The following PLD5 variants were observed in gnomAD, a reference collection of about 807,000 sequenced individuals.
PLD5 encodes the protein phospholipase D family member 5.
PLD5 carries 36 observed loss-of-function variants against 61.1 expected under a neutral mutation model. The ratio of observed to expected loss-of-function variants is 0.59; its 90% confidence interval spans 0.45 to 0.78. The LOEUF (loss-of-function observed/expected upper bound fraction) is 0.78. PLD5 is among the 30% of genes least tolerant of loss of function. The pLI, the probability that PLD5 is intolerant of heterozygous loss-of-function variation, is 0.00. For synonymous variants in PLD5, 243 were observed against 242.8 expected (o/e 1.00, Z -0.01); for missense variants, 515 against 644.4 (o/e 0.80, Z 2.17).
chr1:242,527,845 T>C (rs749086402), upstream of PLD5, among the ~76,000 whole-genome samples: 65 of 152,344 alleles, frequency 4.3e-4, no homozygotes, highest in Middle Eastern at 0.01. Flanking sequence ...CTGAAATGTA[T>C]AATTACTGAA....
chr1:242,448,435 C>T (rs1490307488), intron 1 of PLD5, among the ~76,000 whole-genome samples: 1 of 152,212 alleles, frequency 6.6e-6, no homozygotes, highest in East Asian at 1.9e-4. Flanking sequence ...ATATTTCAGG[C>T]ATTCTCTCTC....
intron 2 of PLD5, among the ~76,000 whole-genome samples, chr1:242,293,976 A>G (rs1243413098): frequency 6.6e-6 from 1 of 152,246 alleles, no homozygotes; most frequent in Non-Finnish European, 1.5e-5. Flanking sequence ...TAATTAGCAT[A>G]GAAGCAGAAC....
At chr1:242,157,956 A>C (rs992066846) in intron 5 of PLD5, among the ~76,000 whole-genome samples, 1 of 152,098 alleles carries the variant, frequency 6.6e-6, no homozygotes, top group African/African-American at 2.4e-5. Flanking sequence ...GGGGAGTTTT[A>C]TCTATAAGTT....
intron 5 of PLD5, among the ~76,000 whole-genome samples, chr1:242,186,961 C>A (rs925510414): frequency 6.6e-6 from 1 of 152,144 alleles, no homozygotes. Flanking sequence ...CTTAAATTTT[C>A]AATTTTTCAC....
chr1:242,514,945 G>A (rs758742490), intron 1 of PLD5, among the ~76,000 whole-genome samples: 1 of 152,108 alleles, frequency 6.6e-6, no homozygotes, highest in Non-Finnish European at 1.5e-5. Flanking sequence ...AGGTATAGCT[G>A]GAGAGAAGCA....
rs74706090 is a variant in PLD5 at position 242,391,671 on chromosome 1, T to C, written c.190-43429A>G. Among the ~76,000 whole-genome samples the C allele has an allele frequency of 7.0e-3, 1,068 of 152,244 alleles. 7 individuals are homozygous for C. Among genetic ancestry groups the C allele is most frequent in the Admixed American group, 0.015 (226 of 15,292 alleles). ...ATTTGATTGTCCTAGAAATAGAATA[T>C]CCACCTTATGGAAAGGAAAGTTTAA... On this transcript the variant is annotated intron_variant, in intron 1 of 9. Transcript: ENST00000536534.
At chr1:242,426,217 A>C (rs1429563001) in intron 1 of PLD5, among the ~76,000 whole-genome samples, 1 of 151,944 alleles carries the variant, frequency 6.6e-6, no homozygotes, top group African/African-American at 2.4e-5. Flanking sequence ...GAAGGTAGTC[A>C]GGAGCAATAA....
intron 5 of PLD5, among the ~76,000 whole-genome samples, chr1:242,194,309 A>G (rs1341523951): frequency 6.6e-6 from 1 of 152,182 alleles, no homozygotes; most frequent in Non-Finnish European, 1.5e-5. Flanking sequence ...GAATACCTCT[A>G]CATTGCTGGT....
At chr1:242,108,855 C>T (rs185571394) in intron 7 of PLD5, among the ~76,000 whole-genome samples, 1 of 152,306 alleles carries the variant, frequency 6.6e-6, no homozygotes, top group East Asian at 1.9e-4. Flanking sequence ...ATTGCTTTTT[C>T]ATCACATGCA....
intron 8 of PLD5, among the ~76,000 whole-genome samples, chr1:242,104,659 T>G (rs1245895029): frequency 6.6e-6 from 1 of 152,176 alleles, no homozygotes; most frequent in Non-Finnish European, 1.5e-5. Context: ...AGTACCTGTT[T>G]CACTGGGTAA....
chr1:242,232,641 G>A (rs1161500207), intron 4 of PLD5, among the ~76,000 whole-genome samples: 1 of 152,050 alleles, frequency 6.6e-6, no homozygotes, highest in East Asian at 1.9e-4. Context: ...TCAGGAGTTC[G>A]AGACTAGCCT....
intron 5 of PLD5, among the ~76,000 whole-genome samples, chr1:242,186,736 GTAT>G (rs1667927928): frequency 6.6e-6 from 1 of 152,154 alleles, no homozygotes; most frequent in African/African-American, 2.4e-5. Context: ...AGACAGTATA[GTAT>G]AATCAACATT....
At chr1:242,522,540 A>C (rs1454534821) in intron 1 of PLD5, among the ~76,000 whole-genome samples, 3 of 152,264 alleles carry the variant, frequency 2.0e-5, no homozygotes, top group Non-Finnish European at 4.4e-5. Flanking sequence ...CTAAAAGCAC[A>C]AACTGCAAAA....
upstream of PLD5, among the ~76,000 whole-genome samples, chr1:242,527,095 T>C (rs1390346734): frequency 6.7e-6 from 1 of 148,580 alleles, no homozygotes; most frequent in Non-Finnish European, 1.5e-5. Flanking sequence ...GTGACTGCAG[T>C]AGTTGCTACT....
At chr1:242,483,591 C>T (rs1171010533) in intron 1 of PLD5, among the ~76,000 whole-genome samples, 2 of 152,126 alleles carry the variant, frequency 1.3e-5, no homozygotes, top group East Asian at 3.9e-4. Context: ...GAGACTTAGA[C>T]TCCCACACAG....
intron 1 of PLD5, among the ~76,000 whole-genome samples, chr1:242,426,455 T>C (rs1185203989): frequency 1.3e-5 from 2 of 152,226 alleles, no homozygotes; most frequent in African/African-American, 4.8e-5. Context: ...GCATGGGCCA[T>C]GCTTTTGTAA....
At chr1:242,176,398 G>A (rs1285851194) in intron 5 of PLD5, among the ~76,000 whole-genome samples, 6 of 151,990 alleles carry the variant, frequency 3.9e-5, no homozygotes, top group Admixed American at 1.3e-4. Flanking sequence ...GAAAACTGAC[G>A]CTGTACCCCT....
At chr1:242,261,895 C>T (rs1238386978) in intron 4 of PLD5, among the ~76,000 whole-genome samples, 1 of 152,168 alleles carries the variant, frequency 6.6e-6, no homozygotes, top group African/African-American at 2.4e-5. Context: ...ATTAGTACAA[C>T]CACTTAGAAA....
At chr1:242,304,845 T>G (rs2149165431) in intron 2 of PLD5, among the ~76,000 whole-genome samples, 1 of 152,290 alleles carries the variant, frequency 6.6e-6, no homozygotes, top group African/African-American at 2.4e-5. Context: ...GGCTCATACC[T>G]GTTATCCCAT....
Sources: allele counts gnomAD v4.1 joint callset (sites outside exome capture counted in the v4.1 genomes callset), GRCh38; gene constraint gnomAD v4.1.1; transcripts MANE v1.5; gene names NCBI Gene and HGNC (gene_info 2026-07-23, HGNC 2026-07-21).